The following GABRB3 variants were observed in gnomAD, a reference collection of about 807,000 sequenced individuals.
The protein encoded by GABRB3 is gamma-aminobutyric acid receptor subunit beta-3.
GABRB3 carries 14 observed loss-of-function variants against 52.1 expected under a neutral mutation model. The ratio of observed to expected loss-of-function variants is 0.27; its 90% confidence interval spans 0.18 to 0.42. GABRB3 has a LOEUF of 0.42. Among genes scored for constraint, GABRB3 ranks in the 10% least tolerant of loss-of-function variants. GABRB3 has a pLI of 1.00. For missense variants in GABRB3, 307 were observed against 609.1 expected, an observed-to-expected ratio of 0.50 and a Z score of 5.22; for synonymous variants, 260 against 232.3, an observed-to-expected ratio of 1.12 and a Z score of -1.08.
At chr15:26,656,118 A>G (rs1045671641) in intron 3 of GABRB3, among the ~76,000 whole-genome samples, 2 of 152,112 alleles carry the variant, frequency 1.3e-5, no homozygotes, top group African/African-American at 4.8e-5. Flanking sequence ...GGTCAGATAG[A>G]GCTTGCCTCC....
intron 3 of GABRB3, among the ~76,000 whole-genome samples, chr15:26,717,228 T>C (rs1464014180): frequency 1.1e-3 from 99 of 89,902 alleles, no homozygotes; most frequent in East Asian, 1.9e-3. Flanking sequence ...AATGACAACC[T>C]AGCTCTGGGG....
At chr15:26,643,260 G>A (rs1310107971) in intron 3 of GABRB3, among the ~76,000 whole-genome samples, 1 of 152,130 alleles carries the variant, frequency 6.6e-6, no homozygotes, top group Non-Finnish European at 1.5e-5. Flanking sequence ...CCATCCTGGC[G>A]GCCAGGTGCC....
intron 3 of GABRB3, among the ~76,000 whole-genome samples, chr15:26,715,925 C>T (rs1889451954): frequency 6.6e-6 from 1 of 152,176 alleles, no homozygotes; most frequent in African/African-American, 2.4e-5. Flanking sequence ...AGACTTGCTA[C>T]ATCTTCCAGA....
At position 26,740,146 on chromosome 15, in the gene GABRB3, A is replaced by G. The variant is rs1292143110; in HGVS notation, c.240+32256T>C. Among the ~76,000 whole-genome samples, 3 of 152,128 alleles carry G rather than the reference A, an allele frequency of 2.0e-5. No homozygotes were observed. In the East Asian group the frequency reaches 5.8e-4, roughly 29 times the overall value. ...CCAAGTGACTTGAGATCCCCCCACCATCCCCATCCTCACAGTGTGCCAGGT... is the reference window on the plus strand; with the variant it reads ...CCAAGTGACTTGAGATCCCCCCACCGTCCCCATCCTCACAGTGTGCCAGGT... On this transcript the variant is annotated intron_variant, in intron 3 of 8. Transcript: ENST00000311550.
At chr15:26,585,536 T>A (rs955876764) in intron 4 of GABRB3, among the ~76,000 whole-genome samples, 13 of 152,328 alleles carry the variant, frequency 8.5e-5, no homozygotes, top group Admixed American at 8.5e-4. Context: ...AGCAAGCAGG[T>A]TGAGCAACAT....
intron 8 of GABRB3, among the ~76,000 whole-genome samples, chr15:26,554,661 C>A (rs936927652): frequency 1.3e-5 from 2 of 152,142 alleles, no homozygotes; most frequent in Non-Finnish European, 2.9e-5. Context: ...GTTACAAGAG[C>A]ACGTGTACCA....
chr15:26,700,053 C>G (rs1888877109), intron 3 of GABRB3, among the ~76,000 whole-genome samples: 2 of 151,132 alleles, frequency 1.3e-5, no homozygotes, highest in Admixed American at 6.6e-5. Flanking sequence ...ATCAATGAAA[C>G]AAAAAGTTCT....
chr15:26,588,065 C>T (rs548449897), intron 4 of GABRB3, among the ~76,000 whole-genome samples: 85 of 152,112 alleles, frequency 5.6e-4, no homozygotes, highest in African/African-American at 1.8e-3. Flanking sequence ...TCTGTGACTA[C>T]GAGGTATGTT....
chr15:26,764,704 T>G (rs978629238), intron 3 of GABRB3, among the ~76,000 whole-genome samples: 1 of 152,090 alleles, frequency 6.6e-6, no homozygotes, highest in African/African-American at 2.4e-5. Flanking sequence ...ACAATCCTCT[T>G]AATGGCTGGC....
At chr15:26,631,594 G>A (rs1353465628) in intron 3 of GABRB3, among the ~76,000 whole-genome samples, 1 of 152,188 alleles carries the variant, frequency 6.6e-6, no homozygotes, top group African/African-American at 2.4e-5. Flanking sequence ...CAGGGAAGAT[G>A]GAAAATTGTT....
At position 26,732,184 on chromosome 15, in the gene GABRB3, GA is replaced by G. The variant is rs1348579304; in HGVS notation, c.240+40217del. 2.6e-5 allele frequency among the ~76,000 whole-genome samples: 4 copies of G among 151,432 alleles called. No individual in the cohort carries two copies. In the East Asian group the frequency reaches 7.9e-4, roughly 30 times the overall value. On this transcript the variant is annotated intron_variant, in intron 3 of 8. Transcript: ENST00000311550. ...TGGATGGATCAATGGATGGGTGGAT[GA>G]ATGTATAGATGGATGGGTGGATGGA...
chr15:26,715,874 G>A (rs926981998), intron 3 of GABRB3, among the ~76,000 whole-genome samples: 2 of 152,108 alleles, frequency 1.3e-5, no homozygotes, highest in African/African-American at 4.8e-5. Flanking sequence ...ATAATGTATA[G>A]AATGTGACCT....
intron 3 of GABRB3, among the ~76,000 whole-genome samples, chr15:26,736,535 G>A (rs866213019): frequency 1.3e-5 from 2 of 152,348 alleles, no homozygotes; most frequent in East Asian, 3.9e-4. Context: ...TCAATCCGGA[G>A]TTTGAGGAAA....
chr15:26,636,476 G>T (rs1593470), intron 3 of GABRB3, among the ~76,000 whole-genome samples: 55,384 of 151,744 alleles, frequency 0.36, 11,502 homozygotes, highest in Middle Eastern at 0.52. Context: ...TAATGCTAGA[G>T]GGCCCCAGGG....
intron 3 of GABRB3, among the ~76,000 whole-genome samples, chr15:26,682,871 C>T (rs910781753): frequency 3.9e-5 from 6 of 152,204 alleles, no homozygotes; most frequent in Non-Finnish European, 2.9e-5. Flanking sequence ...GAACACTCGG[C>T]AAGCTGGGGA....
At chr15:26,771,446 G>C (rs1006478179) in intron 3 of GABRB3, among the ~76,000 whole-genome samples, 1 of 152,170 alleles carries the variant, frequency 6.6e-6, no homozygotes, top group Non-Finnish European at 1.5e-5. Flanking sequence ...TATTCTCAAT[G>C]TTGTATGTCC....
chr15:26,701,085 C>T (rs753927142), intron 3 of GABRB3, among the ~76,000 whole-genome samples: 34 of 151,698 alleles, frequency 2.2e-4, no homozygotes, highest in Non-Finnish European at 3.5e-4. Flanking sequence ...ACTCTGCAAA[C>T]GAGGAAGAGA....
intron 6 of GABRB3, among the ~76,000 whole-genome samples, chr15:26,572,101 C>T (rs1003510447): frequency 2.6e-5 from 4 of 151,684 alleles, no homozygotes; most frequent in African/African-American, 4.8e-5. Flanking sequence ...CAAAATGTTC[C>T]GGTATCCGGC....
rs1370466943 is a variant in GABRB3, at chr15:26,772,926, A to G, written c.37T>C (p.Phe13Leu). Residue 13 changes from phenylalanine to leucine, a missense_variant, in exon 1 of 9, where the codon TTC becomes CTC. Physicochemically the swap from Phe to Leu is conservative, Grantham distance 22. Transcript: ENST00000311550. ...ACAGCCACCAGCACCGGGGCCGAGAAGATGCCGAAAAGCCTTCCTCCCGCA... is the reference window on the plus strand; with the variant it reads ...ACAGCCACCAGCACCGGGGCCGAGAGGATGCCGAAAAGCCTTCCTCCCGCA... ...GLAGGRLFGI[F>L]SAPVLVAVVC... 3.3e-6 allele frequency: 5 copies of G among 1,492,768 alleles called. No individual in the cohort carries two copies. Among genetic ancestry groups the G allele is most frequent in the Non-Finnish European group, 4.5e-6 (5 of 1,119,654 alleles). 92.5% of individuals were successfully genotyped at this position (1,492,768 alleles called of 1,614,324 possible). A position where few individuals can be genotyped will look rare whatever the true frequency, so the allele number is the denominator to read the frequency against.
Sources: gnomAD v4.1 joint callset for allele counts (sites outside exome capture counted in the v4.1 genomes callset) on GRCh38, gnomAD v4.1.1 for gene constraint, MANE v1.5 for transcripts, NCBI Gene and HGNC (gene_info 2026-07-23, HGNC 2026-07-21) for gene names.